Variants in SYTL3 observed in about 807,000 individuals in gnomAD.
The protein encoded by SYTL3 is synaptotagmin-like protein 3.
In SYTL3, 88 loss-of-function variants were observed where a neutral mutation model predicts 82.1. The observed-to-expected ratio is 1.07, with a 90% confidence interval of 0.90 to 1.28. The LOEUF is 1.28. Among genes scored for constraint, SYTL3 ranks in the 50% most tolerant of loss-of-function variants. The probability of loss-of-function intolerance (pLI) is 0.00; values close to 1 mark genes in which losing one functional copy is unlikely to be tolerated. For missense variants in SYTL3, 831 were observed against 757.6 expected (o/e 1.10, Z -1.14); for synonymous variants, 311 against 289.4 (o/e 1.07, Z -0.76).
intron 4 of SYTL3, 152 bp from the exon 5 acceptor site, chr6:158,665,243 G>A (rs555048265): frequency 2.6e-5 from 17 of 665,968 alleles, no homozygotes; most frequent in African/African-American, 2.0e-4. Flanking sequence ...TGTTGAGTGA[G>A]AGCCCAGTTC....
At chr6:158,674,118 TA>T (rs1425077241) in intron 5 of SYTL3, among the ~76,000 whole-genome samples, 1 of 145,416 alleles carries the variant, frequency 6.9e-6, no homozygotes, top group Non-Finnish European at 1.5e-5. Context: ...ATAATAATAA[TA>T]ATGATGATGA....
At chr6:158,675,920 A>G (rs1254517576) in intron 5 of SYTL3, among the ~76,000 whole-genome samples, 1 of 152,202 alleles carries the variant, frequency 6.6e-6, no homozygotes, top group Admixed American at 6.5e-5. Flanking sequence ...ACTGCACCCC[A>G]GCCTGGGCGA....
chr6:158,761,835 T>G (rs2291390), intron 15 of SYTL3, among the ~76,000 whole-genome samples: 119,697 of 152,102 alleles, frequency 0.79, 49,006 homozygotes, highest in African/African-American at 0.91. Flanking sequence ...TTTACTCTTT[T>G]CTAGGATCTT....
chr6:158,748,705 C>T (rs1787969642), intron 12 of SYTL3, among the ~76,000 whole-genome samples: 1 of 151,590 alleles, frequency 6.6e-6, no homozygotes, highest in South Asian at 2.1e-4. Flanking sequence ...ATTAGCCGGG[C>T]ATGGTGGCAG....
At chr6:158,758,978 G>A (rs12203207) in intron 14 of SYTL3, among the ~76,000 whole-genome samples, 53,645 of 151,904 alleles carry the variant, frequency 0.35, 10,505 homozygotes, top group East Asian at 0.79. Flanking sequence ...TCTCACCCCC[G>A]CTCTGTCATC....
intron 11 of SYTL3, among the ~76,000 whole-genome samples, chr6:158,741,478 G>A (rs1459084631): frequency 6.6e-6 from 1 of 152,084 alleles, no homozygotes; most frequent in Non-Finnish European, 1.5e-5. Context: ...TTCAATTTTT[G>A]GTGCATCTCA....
At chr6:158,663,507 G>C in intron 4 of SYTL3, 129 bp downstream of exon 4, 2 of 1,472,680 alleles carry the variant, frequency 1.4e-6, no homozygotes, top group Non-Finnish European at 1.8e-6. Context: ...TGCCTGAGAA[G>C]GGTCCTAACG....
At chr6:158,726,979 AGCT>A (rs1784809673) in intron 11 of SYTL3, among the ~76,000 whole-genome samples, 1 of 150,330 alleles carries the variant, frequency 6.7e-6, no homozygotes, top group East Asian at 2.0e-4. Flanking sequence ...CCTCCCAAGT[AGCT>A]GGCACTACAG....
intron 16 of SYTL3, 64 bp from the exon 17 acceptor site, chr6:158,763,240 A>AT: frequency 6.7e-7 from 1 of 1,484,288 alleles, no homozygotes; most frequent in Non-Finnish European, 9.4e-7. Context: ...GCACTGACGC[A>AT]CAGGCCTCAG....
intron 6 of SYTL3, among the ~76,000 whole-genome samples, chr6:158,688,467 C>T (rs755262315): frequency 4.1e-4 from 63 of 152,214 alleles, no homozygotes; most frequent in Non-Finnish European, 7.9e-4. Context: ...ATTACATTCA[C>T]GTAAAAAACT....
At chr6:158,758,548 C>A (rs1412577133) in intron 14 of SYTL3, among the ~76,000 whole-genome samples, 1 of 152,200 alleles carries the variant, frequency 6.6e-6, no homozygotes, top group Non-Finnish European at 1.5e-5. Flanking sequence ...CATCTGGCTT[C>A]TTTTCCTCTC....
intron 5 of SYTL3, among the ~76,000 whole-genome samples, chr6:158,667,939 A>G (rs1385589070): frequency 6.6e-5 from 10 of 152,200 alleles, no homozygotes; most frequent in African/African-American, 2.2e-4. Context: ...AGAGGGAGAG[A>G]TGAGGCAGGC....
chr6:158,738,514 A>G (rs1786499713), intron 11 of SYTL3, among the ~76,000 whole-genome samples: 1 of 152,042 alleles, frequency 6.6e-6, no homozygotes, highest in Non-Finnish European at 1.5e-5. Flanking sequence ...TTATTCTATT[A>G]CTTGTCCTTC....
chr6:158,732,061 A>G (rs1785480947), intron 11 of SYTL3, among the ~76,000 whole-genome samples: 1 of 152,232 alleles, frequency 6.6e-6, no homozygotes, highest in Non-Finnish European at 1.5e-5. Flanking sequence ...TAAGAATACT[A>G]GTAATCCAGA....
intron 3 of SYTL3, among the ~76,000 whole-genome samples, chr6:158,662,376 GTGGTGC>G (rs1789478529): frequency 6.6e-6 from 1 of 152,222 alleles, no homozygotes; most frequent in Admixed American, 6.5e-5. Context: ...TGAGCTTGTG[GTGGTGC>G]TGCTTCATAC....
intron 6 of SYTL3, among the ~76,000 whole-genome samples, chr6:158,697,329 G>C (rs1158348960): frequency 6.6e-6 from 1 of 151,210 alleles, no homozygotes; most frequent in Non-Finnish European, 1.5e-5. Context: ...CCACGCCTGT[G>C]GTCCCAGCTA....
In SYTL3 at chr6:158,731,314, C is replaced by A. The variant is rs117393930; in HGVS notation, c.855+5677C>A. Among the ~76,000 whole-genome samples the A allele has an allele frequency of 3.1e-3, 463 of 151,792 alleles. 2 individuals are homozygous for A. The highest frequency in any genetic ancestry group is 5.0e-3 in the Non-Finnish European group (341 of 67,890). On this transcript the variant is annotated intron_variant, in intron 11 of 17. Transcript: ENST00000611299. The stretch of plus-strand genomic sequence containing the variant: ...AAAACAAAACAAAAAAACTAAAAGT[C>A]TTTTAGCACAGGTCCTACCCCTAGA...
At chr6:158,724,931 C>A (rs1196710190) in intron 10 of SYTL3, among the ~76,000 whole-genome samples, 3 of 152,182 alleles carry the variant, frequency 2.0e-5, no homozygotes, top group African/African-American at 7.2e-5. Context: ...AGGAGAATTG[C>A]TTGAACCCGA....
intron 5 of SYTL3, among the ~76,000 whole-genome samples, chr6:158,670,654 G>A (rs1260194883): frequency 6.6e-6 from 1 of 151,724 alleles, no homozygotes; most frequent in African/African-American, 2.4e-5. Flanking sequence ...ACAGTGGCAG[G>A]CGCCTGTAAT....
Sources: gnomAD v4.1 joint callset for allele counts (sites outside exome capture counted in the v4.1 genomes callset) on GRCh38, gnomAD v4.1.1 for gene constraint, MANE v1.5 for transcripts, NCBI Gene and HGNC (gene_info 2026-07-23, HGNC 2026-07-21) for gene names.